CHN1: variants seen among roughly 807,000 people sequenced by gnomAD.
The protein encoded by CHN1 is N-chimaerin.
Under a neutral mutation model 59.5 loss-of-function variants are expected in CHN1, and 37 were observed. The ratio of observed to expected loss-of-function variants is 0.62; its 90% CI spans 0.48 to 0.82. The LOEUF (loss-of-function observed/expected upper bound fraction) is 0.82. CHN1 is among the 40% of genes least tolerant of loss of function. The pLI is 0.00. For synonymous variants in CHN1, 206 were observed against 200.4 expected (o/e 1.03, Z -0.24); for missense variants, 469 against 571.0 (o/e 0.82, Z 1.82).
chr2:174,944,777 G>A (rs922977408), intron 3 of CHN1, 111 bp downstream of exon 3: 7 of 648,644 alleles, frequency 1.1e-5, no homozygotes, highest in Non-Finnish European at 1.9e-5. Context: ...TTATCATATC[G>A]ATTAGTGTTA....
At chr2:174,876,273 C>G (rs1687559933) in intron 6 of CHN1, among the ~76,000 whole-genome samples, 1 of 152,208 alleles carries the variant, frequency 6.6e-6, no homozygotes, top group Admixed American at 6.5e-5. Context: ...AAAGCACGTT[C>G]AGAATGCATT....
intron 1 of CHN1, among the ~76,000 whole-genome samples, chr2:174,968,167 C>G (rs1218885470): frequency 6.6e-6 from 1 of 152,178 alleles, no homozygotes; most frequent in Non-Finnish European, 1.5e-5. Context: ...AGATAAGGCT[C>G]CTATTACTAA....
chr2:174,970,079 C>A (rs941566936), intron 1 of CHN1, among the ~76,000 whole-genome samples: 1 of 152,112 alleles, frequency 6.6e-6, no homozygotes, highest in Admixed American at 6.5e-5. Context: ...AAAGAAAAAT[C>A]GTTTAACCTA....
chr2:174,862,701 C>T (rs964397923), intron 6 of CHN1, among the ~76,000 whole-genome samples: 4 of 152,258 alleles, frequency 2.6e-5, no homozygotes, highest in African/African-American at 9.6e-5. Flanking sequence ...TTTTCATTGT[C>T]TCTTCTCCTG....
chr2:174,949,946 G>T (rs1013964047), intron 2 of CHN1, among the ~76,000 whole-genome samples: 1 of 152,024 alleles, frequency 6.6e-6, no homozygotes, highest in African/African-American at 2.4e-5. Flanking sequence ...ATAAAACTCC[G>T]TAACAGAACT....
chr2:174,886,558 TTAAA>T (rs1235421214), intron 5 of CHN1, among the ~76,000 whole-genome samples: 5 of 152,232 alleles, frequency 3.3e-5, no homozygotes, highest in African/African-American at 1.2e-4. Flanking sequence ...TAAAACTGTC[TTAAA>T]TAGACTCTGA....
intron 6 of CHN1, among the ~76,000 whole-genome samples, chr2:174,872,461 A>C (rs1687438479): frequency 6.6e-6 from 1 of 152,232 alleles, no homozygotes; most frequent in Non-Finnish European, 1.5e-5. Flanking sequence ...TGAGAGGCAT[A>C]GAAGCAGAAA....
chr2:174,935,135 C>T (rs931160500), intron 3 of CHN1, among the ~76,000 whole-genome samples: 1 of 152,216 alleles, frequency 6.6e-6, no homozygotes, highest in Non-Finnish European at 1.5e-5. Context: ...TTACCACTCT[C>T]CCACAAGTAC....
chr2:174,849,651 A>G (rs745783528), intron 6 of CHN1, among the ~76,000 whole-genome samples: 5 of 152,232 alleles, frequency 3.3e-5, no homozygotes, highest in Non-Finnish European at 5.9e-5. Context: ...TCATATATAG[A>G]ATCTATTAAT....
chr2:174,919,453 G>A (rs1342076517), intron 3 of CHN1, among the ~76,000 whole-genome samples: 1 of 152,070 alleles, frequency 6.6e-6, no homozygotes, highest in Non-Finnish European at 1.5e-5. Flanking sequence ...CTTTTCCCTA[G>A]TAGGTACTTT....
intron 11 of CHN1, among the ~76,000 whole-genome samples, chr2:174,804,844 G>A (rs995198952): frequency 1.3e-5 from 2 of 152,172 alleles, no homozygotes; most frequent in African/African-American, 2.4e-5. Flanking sequence ...GATTAATCTG[G>A]TGTTCAGGTA....
chr2:174,961,332 A>C (rs2105425890), intron 1 of CHN1, among the ~76,000 whole-genome samples: 1 of 152,242 alleles, frequency 6.6e-6, no homozygotes, highest in Non-Finnish European at 1.5e-5. Context: ...CACACCTGTA[A>C]TCCCAGCACT....
intron 6 of CHN1, among the ~76,000 whole-genome samples, chr2:174,853,732 G>A (rs1408976644): frequency 2.0e-5 from 3 of 152,156 alleles, no homozygotes; most frequent in African/African-American, 7.2e-5. Context: ...TAAAGAAAAT[G>A]TGGTACATAC....
chr2:174,799,759 CTG>C lies in CHN1; in HGVS notation c.*355_*356del, dbSNP rs1420460777. 2 of 539,368 alleles carry C rather than the reference CTG, an allele frequency of 3.7e-6. No homozygotes were observed. The highest frequency in any genetic ancestry group is 3.7e-5 in the African/African-American group (2 of 54,124). The allele number at this position is 539,368 out of a possible 1,614,324, so 33.4% of individuals were successfully genotyped here. On this transcript the variant is annotated 3_prime_UTR_variant, in exon 13 of 13. Coordinates refer to ENST00000409900, the MANE Select transcript of CHN1 (RefSeq NM_001822.7). Reference sequence around the variant, plus strand: ...AAAGCAAAGTCACAACAGGCTTACTCTGTGAAACATGCTGGATTACAAGCACA... The same window carrying C: ...AAAGCAAAGTCACAACAGGCTTACTCTGAAACATGCTGGATTACAAGCACA...
chr2:174,815,038 T>C (rs913234555), intron 8 of CHN1, among the ~76,000 whole-genome samples: 6 of 152,138 alleles, frequency 3.9e-5, no homozygotes, highest in South Asian at 2.1e-4. Flanking sequence ...GCTAAAACCT[T>C]TGTTATGGTC....
In CHN1 at chr2:174,809,470, A is replaced by G. The variant is rs182685844; in HGVS notation, c.965-428T>C. Among the ~76,000 whole-genome samples the G allele has an allele frequency of 1.2e-3, 183 of 152,318 alleles. 1 individual carries two copies. Among genetic ancestry groups the G allele is most frequent in the African/African-American group, 4.0e-3 (166 of 41,578 alleles). On this transcript the variant is annotated intron_variant, in intron 10 of 12. Coordinates refer to ENST00000409900, the MANE Select transcript of CHN1 (RefSeq NM_001822.7). ...AAGAACATGGTGCCTGGCATATAGT[A>G]GCTGCTTAATATTTTTGAGTTAACC...
chr2:174,889,881 A>ATGTG (rs111371037), intron 5 of CHN1, among the ~76,000 whole-genome samples: 32 of 149,390 alleles, frequency 2.1e-4, no homozygotes, highest in African/African-American at 5.9e-4. Flanking sequence ...ATAAATAAAT[A>ATGTG]TGTGTGTGTG....
intron 1 of CHN1, among the ~76,000 whole-genome samples, chr2:174,955,339 A>T (rs548654007): frequency 6.6e-6 from 1 of 151,888 alleles, no homozygotes; most frequent in Admixed American, 6.6e-5. Context: ...AGGTGAACTT[A>T]CCCAGATGGA....
chr2:174,841,721 T>TCCAAGTA (rs1686308710), intron 7 of CHN1, among the ~76,000 whole-genome samples: 1 of 152,194 alleles, frequency 6.6e-6, no homozygotes, highest in African/African-American at 2.4e-5. Flanking sequence ...TAAAATTATT[T>TCCAAGTA]AAAGGAATAA....
Sources: gnomAD v4.1 joint callset for allele counts (sites outside exome capture counted in the v4.1 genomes callset) on GRCh38, gnomAD v4.1.1 for gene constraint, MANE v1.5 for transcripts, NCBI Gene and HGNC (gene_info 2026-07-23, HGNC 2026-07-21) for gene names.